Variants in LARP4B observed in about 807,000 individuals in gnomAD.
LARP4B encodes the protein La ribonucleoprotein 4B, also known as la-related protein 4B.
A neutral mutation model predicts 89.8 loss-of-function variants in LARP4B; 12 were observed. The observed-to-expected ratio is 0.13, with a 90% CI of 0.09 to 0.22. The LOEUF (loss-of-function observed/expected upper bound fraction) is 0.22, where lower values mean the gene tolerates loss of function less well. Among genes scored for constraint, LARP4B ranks in the 10% least tolerant of loss-of-function variants. LARP4B has a pLI of 1.00. For synonymous variants in LARP4B, 367 were observed against 363.3 expected (o/e 1.01, Z -0.12); for missense variants, 757 against 947.7 (o/e 0.80, Z 2.64).
At chr10:959,255 C>A in the LARP4B span, among the ~76,000 whole-genome samples, 74 of 152,242 alleles carry the variant, frequency 4.9e-4, no homozygotes, top group African/African-American at 1.4e-3. Flanking sequence ...CCTAGTGATG[C>A]AACTGCTGGG....
chr10:935,228 A>C (rs900251048), upstream of LARP4B, among the ~76,000 whole-genome samples: 6 of 152,192 alleles, frequency 3.9e-5, no homozygotes, highest in Non-Finnish European at 7.3e-5. Flanking sequence ...AGGTAAGTCC[A>C]CAGTTCATAG....
chr10:878,155 G>A (rs1304545256), intron 3 of LARP4B, among the ~76,000 whole-genome samples: 3 of 152,236 alleles, frequency 2.0e-5, no homozygotes, highest in Non-Finnish European at 2.9e-5. Flanking sequence ...AGGAGAGCCA[G>A]TGGGCAGCAG....
the LARP4B span, among the ~76,000 whole-genome samples, chr10:980,576 C>T: frequency 6.6e-6 from 1 of 152,228 alleles, no homozygotes; most frequent in African/African-American, 2.4e-5. Context: ...CGGTTATGTT[C>T]TCCAAAGTGG....
chr10:972,685 A>G, the LARP4B span: 5 of 457,158 alleles, frequency 1.1e-5, no homozygotes, highest in Non-Finnish European at 2.2e-5. Context: ...ACTTGCTGAG[A>G]ATCAAACACT....
intron 11 of LARP4B, among the ~76,000 whole-genome samples, chr10:826,439 A>G (rs965630706): frequency 1.3e-5 from 2 of 152,266 alleles, no homozygotes; most frequent in African/African-American, 2.4e-5. Context: ...ATATACTAAC[A>G]TAAGATTCAG....
the LARP4B span, among the ~76,000 whole-genome samples, chr10:970,695 T>G: frequency 9.2e-5 from 14 of 152,226 alleles, no homozygotes; most frequent in African/African-American, 3.1e-4. Flanking sequence ...GTCAGAGGTG[T>G]TGTTTTCTTT....
At chr10:962,298 C>CAA in the LARP4B span, among the ~76,000 whole-genome samples, 52 of 60,492 alleles carry the variant, frequency 8.6e-4, no homozygotes, top group African/African-American at 1.6e-3. Flanking sequence ...ACTCCATCTC[C>CAA]AAAAAAAAAA....
At chr10:893,898 C>G (rs756539911) in intron 1 of LARP4B, among the ~76,000 whole-genome samples, 2 of 152,112 alleles carry the variant, frequency 1.3e-5, no homozygotes, top group Non-Finnish European at 2.9e-5. Context: ...CTACAGGACA[C>G]CCACTTATTA....
In LARP4B at chr10:825,071, C is replaced by T; in HGVS notation, c.1478G>A (p.Arg493Lys). 2 of 1,613,350 alleles carry T rather than the reference C, an allele frequency of 1.2e-6. No homozygotes were observed. Among genetic ancestry groups the T allele is most frequent in the Non-Finnish European group, 8.5e-7 (1 of 1,179,370 alleles). Residue 493 changes from arginine to lysine, a missense_variant, in exon 13 of 18, where the codon AGG becomes AAG. Around this residue, in one of 5 missense-constraint regions of LARP4B, gnomAD observed 387 missense variants for 423.6 expected, o/e 0.91. Coordinates refer to ENST00000316157, the MANE Select transcript of LARP4B (RefSeq NM_015155.3). Reference sequence around the variant, plus strand: ...TAACTGCTCAACAACTCACCTTCCCCTCCCTAAACCAGGAGAGGATTCGAG... The same window carrying T: ...TAACTGCTCAACAACTCACCTTCCCTTCCCTAAACCAGGAGAGGATTCGAG... ...GSLESSPGLG[R>K]GRKNSFGYRK... is the part of the protein sequence containing the mutation.
the LARP4B span, among the ~76,000 whole-genome samples, chr10:957,297 G>T: frequency 5.9e-5 from 9 of 152,196 alleles, no homozygotes; most frequent in Admixed American, 5.9e-4. Context: ...CGAGTAGCTG[G>T]GATTACAGAC....
Position 848,142 on chromosome 10 carries a change from C to T in LARP4B, c.431-3087G>A, listed in dbSNP as rs1049636397. On this transcript the variant is annotated intron_variant, in intron 5 of 17. Coordinates refer to ENST00000316157, the MANE Select transcript of LARP4B (RefSeq NM_015155.3). ...GAAGTATAACAATATATGTCATTCACGTGCAGAGCCTGAAATGGTTAACCC... is the reference window on the plus strand; with the variant it reads ...GAAGTATAACAATATATGTCATTCATGTGCAGAGCCTGAAATGGTTAACCC... 3.3e-5 allele frequency among the ~76,000 whole-genome samples: 5 copies of T among 152,248 alleles called. No homozygotes were observed. In the East Asian group the frequency reaches 9.7e-4, roughly 29 times the overall value.
In LARP4B at chr10:869,858, G is replaced by A. The variant is rs191783204; in HGVS notation, c.142-5588C>T. Among the ~76,000 whole-genome samples, 189 of 150,592 alleles carry A rather than the reference G, an allele frequency of 1.3e-3. 1 individual carries two copies. The highest frequency in any genetic ancestry group is 4.4e-3 in the African/African-American group (179 of 41,028). ...GGAGGTTGCAGTGAGCTGAGATCAC[G>A]CCACTGCAACTTGGGTGACAAAAGT... On this transcript the variant is annotated intron_variant, in intron 3 of 17. Transcript: ENST00000316157.
intron 1 of LARP4B, among the ~76,000 whole-genome samples, chr10:917,230 C>T (rs767974812): frequency 4.6e-5 from 7 of 152,018 alleles, no homozygotes; most frequent in Non-Finnish European, 7.4e-5. Flanking sequence ...TTTCCCAAGT[C>T]GAGGAAGCTT....
chr10:872,953 G>A (rs908985183), intron 3 of LARP4B: 4 of 899,994 alleles, frequency 4.4e-6, no homozygotes, highest in East Asian at 1.2e-4. Context: ...TTGTCCGCGC[G>A]CTAACGCCAG....
the LARP4B span, among the ~76,000 whole-genome samples, chr10:965,203 G>A: frequency 3.3e-4 from 51 of 152,352 alleles, 1 homozygote; most frequent in African/African-American, 1.1e-3. Flanking sequence ...GGGAGTGCCC[G>A]TGGGGCAAGG....
chr10:937,821 C>T, the LARP4B span, among the ~76,000 whole-genome samples: 1 of 152,114 alleles, frequency 6.6e-6, no homozygotes, highest in Admixed American at 6.6e-5. Context: ...AGATTAGCTC[C>T]GAGGTCAGAG....
chr10:831,025 T>G, intron 8 of LARP4B, 48 bp from the exon 9 acceptor site: 1 of 792,508 alleles, frequency 1.3e-6, no homozygotes, highest in South Asian at 1.6e-5. Flanking sequence ...AATGTCAGTT[T>G]TTGTCCTCAC....
intron 1 of LARP4B, among the ~76,000 whole-genome samples, chr10:915,396 A>G (rs983804934): frequency 6.6e-6 from 1 of 152,052 alleles, no homozygotes; most frequent in African/African-American, 2.4e-5. Context: ...GGATAACAAA[A>G]GACTTTTGCT....
intron 1 of LARP4B, among the ~76,000 whole-genome samples, chr10:919,763 T>C (rs1283746580): frequency 6.6e-6 from 1 of 152,220 alleles, no homozygotes; most frequent in African/African-American, 2.4e-5. Flanking sequence ...GCACACAGAC[T>C]CCTGTGTTAA....
Sources: gnomAD v4.1 joint callset for allele counts (sites outside exome capture counted in the v4.1 genomes callset) on GRCh38, gnomAD v4.1.1 for gene constraint, gnomAD v4.1.1 regional missense constraint, MANE v1.5 for transcripts, NCBI Gene and HGNC (gene_info 2026-07-23, HGNC 2026-07-21) for gene names.